Variants in ANTXR2 observed in about 807,000 individuals in gnomAD.
ANTXR2 encodes the protein anthrax toxin receptor 2.
ANTXR2 carries 44 observed loss-of-function variants against 73.7 expected under a neutral mutation model. The ratio of observed to expected loss-of-function variants is 0.60; its 90% confidence interval spans 0.47 to 0.77. The LOEUF is 0.77. ANTXR2 is among the 30% of genes least tolerant of loss of function. The pLI is 0.00. For missense variants in ANTXR2, 604 were observed against 592.5 expected, an observed-to-expected ratio of 1.02 and a Z score of -0.20; for synonymous variants, 217 against 205.9, an observed-to-expected ratio of 1.05 and a Z score of -0.46.
intron 10 of ANTXR2, among the ~76,000 whole-genome samples, chr4:80,026,550 TCA>T (rs148978298): frequency 0.36 from 54,386 of 151,892 alleles, 12,011 homozygotes; most frequent in Non-Finnish European, 0.47. Context: ...CTCTACATCC[TCA>T]TATAGGTGTC....
At chr4:79,992,064 A>C (rs1163476904) in intron 12 of ANTXR2, among the ~76,000 whole-genome samples, 1 of 152,036 alleles carries the variant, frequency 6.6e-6, no homozygotes, top group African/African-American at 2.4e-5. Flanking sequence ...AGCAACACAT[A>C]ATTTACCCCT....
intron 16 of ANTXR2, among the ~76,000 whole-genome samples, chr4:79,975,023 A>T (rs1277883166): frequency 6.6e-6 from 1 of 152,320 alleles, no homozygotes; most frequent in Non-Finnish European, 1.5e-5. Context: ...AAACATACCA[A>T]TTATCTAAAC....
At chr4:80,034,702 T>G (rs1002362143) in intron 8 of ANTXR2, among the ~76,000 whole-genome samples, 4 of 152,196 alleles carry the variant, frequency 2.6e-5, no homozygotes, top group African/African-American at 9.6e-5. Flanking sequence ...TAAGGCTACT[T>G]ACGAGGCCTA....
At chr4:79,980,356 T>C (rs1221450907) in intron 14 of ANTXR2, among the ~76,000 whole-genome samples, 1 of 152,178 alleles carries the variant, frequency 6.6e-6, no homozygotes, top group Admixed American at 6.5e-5. Context: ...TATATGTGTA[T>C]GTGTATGTAT....
chr4:79,996,332 T>TGGATGGATGGAC (rs1362602361), intron 12 of ANTXR2, among the ~76,000 whole-genome samples: 1 of 151,284 alleles, frequency 6.6e-6, no homozygotes, highest in African/African-American at 2.4e-5. Context: ...GATGGATGGA[T>TGGATGGATGGAC]GGATGGATGG....
chr4:80,038,852 A>T (rs1006622223), intron 7 of ANTXR2, among the ~76,000 whole-genome samples: 2 of 151,894 alleles, frequency 1.3e-5, no homozygotes, highest in Admixed American at 6.6e-5. Flanking sequence ...TTTATTTATA[A>T]AAAAAAACTG....
intron 16 of ANTXR2, among the ~76,000 whole-genome samples, chr4:79,917,441 T>A (rs1727399410): frequency 6.6e-6 from 1 of 152,134 alleles, no homozygotes; most frequent in South Asian, 2.1e-4. Context: ...AGATTGCAAG[T>A]CATTGGCCAG....
At chr4:80,030,708 C>T (rs1732651978) in intron 10 of ANTXR2, among the ~76,000 whole-genome samples, 1 of 152,024 alleles carries the variant, frequency 6.6e-6, no homozygotes, top group South Asian at 2.1e-4. Context: ...TTCAAGTCAG[C>T]TTAAAAATGC....
At chr4:79,990,657 G>A (rs753499046) in intron 12 of ANTXR2, among the ~76,000 whole-genome samples, 2 of 151,970 alleles carry the variant, frequency 1.3e-5, no homozygotes, top group Non-Finnish European at 2.9e-5. Flanking sequence ...GGAACCAGAA[G>A]AGAACCTGAA....
intron 7 of ANTXR2, among the ~76,000 whole-genome samples, chr4:80,051,773 C>G (rs1218876893): frequency 6.6e-6 from 1 of 151,602 alleles, no homozygotes; most frequent in African/African-American, 2.4e-5. Context: ...AGAACTACTA[C>G]AGTGTTTCTT....
chr4:79,922,337 T>C (rs1266794936), intron 16 of ANTXR2, among the ~76,000 whole-genome samples: 1 of 152,084 alleles, frequency 6.6e-6, no homozygotes, highest in Non-Finnish European at 1.5e-5. Context: ...GATTCCTTGC[T>C]CACAGTTTGT....
At chr4:79,934,783 T>C (rs1728193500) in intron 16 of ANTXR2, among the ~76,000 whole-genome samples, 2 of 148,552 alleles carry the variant, frequency 1.3e-5, no homozygotes, top group Admixed American at 1.3e-4. Flanking sequence ...AGACTTGTTT[T>C]AAATAAAACT....
intron 16 of ANTXR2, among the ~76,000 whole-genome samples, chr4:79,914,264 T>G (rs912420408): frequency 6.6e-6 from 1 of 152,176 alleles, no homozygotes; most frequent in African/African-American, 2.4e-5. Context: ...TTTCTCTTTA[T>G]GTCTTGGCTT....
At chr4:79,998,351 C>G (rs771271705) in intron 12 of ANTXR2, among the ~76,000 whole-genome samples, 19 of 152,002 alleles carry the variant, frequency 1.2e-4, no homozygotes, top group Non-Finnish European at 1.6e-4. Flanking sequence ...GCCAAGGACA[C>G]TAAAGCAAGT....
chr4:79,948,729 GTC>G lies in ANTXR2; in HGVS notation c.1428+28890_1428+28891del, dbSNP rs1189293885. On this transcript the variant is annotated intron_variant, in intron 16 of 16. Coordinates refer to ENST00000403729, the MANE Select transcript of ANTXR2 (RefSeq NM_058172.6). Reference sequence around the variant, plus strand: ...CGAATTCCCTGCCTGTCTGTCTCCTGTCTCTCTTTCAAACTAAATGCAAAGAA... The same window carrying G: ...CGAATTCCCTGCCTGTCTGTCTCCTGTCTCTTTCAAACTAAATGCAAAGAA... Among the ~76,000 whole-genome samples the G allele has an allele frequency of 3.3e-5, 5 of 152,034 alleles. No individual in the cohort carries two copies. In the East Asian group the frequency reaches 9.6e-4, roughly 29 times the overall value.
chr4:79,907,318 A>C lies in ANTXR2; in HGVS notation c.*111T>G. 2 of 1,161,176 alleles carry C rather than the reference A, an allele frequency of 1.7e-6. No homozygotes were observed. The highest frequency in any genetic ancestry group is 4.7e-5 in the East Asian group (2 of 42,470). 71.9% of individuals were successfully genotyped at this position (1,161,176 alleles called of 1,614,324 possible). A position where few individuals can be genotyped will look rare whatever the true frequency, so the allele number is the denominator to read the frequency against. ...AACATTTCCCGACTGAGAGGAATTA[A>C]GCTGCTCTTCCAAAAGCTTCTGAAA... On this transcript the variant is annotated 3_prime_UTR_variant, in exon 17 of 17. Coordinates refer to ENST00000403729, the MANE Select transcript of ANTXR2 (RefSeq NM_058172.6).
At chr4:79,954,063 A>G (rs931589087) in intron 16 of ANTXR2, among the ~76,000 whole-genome samples, 3 of 152,244 alleles carry the variant, frequency 2.0e-5, no homozygotes, top group African/African-American at 7.2e-5. Flanking sequence ...AACATAAAGC[A>G]GAATTTACAC....
intron 3 of ANTXR2, among the ~76,000 whole-genome samples, chr4:80,066,415 T>C (rs1215717267): frequency 6.6e-6 from 1 of 152,162 alleles, no homozygotes; most frequent in Non-Finnish European, 1.5e-5. Context: ...ATGCCACAAA[T>C]AGTGAAATTT....
intron 14 of ANTXR2, among the ~76,000 whole-genome samples, chr4:79,979,217 T>C (rs1164286702): frequency 6.6e-6 from 1 of 152,144 alleles, no homozygotes; most frequent in Non-Finnish European, 1.5e-5. Context: ...TGAGTCAAAC[T>C]GGGCATGTAA....
Sources: allele counts gnomAD v4.1 joint callset (sites outside exome capture counted in the v4.1 genomes callset), GRCh38; gene constraint gnomAD v4.1.1; transcripts MANE v1.5; gene names NCBI Gene and HGNC (gene_info 2026-07-23, HGNC 2026-07-21).